Variants in MCFD2 observed in about 807,000 individuals in gnomAD.
The protein encoded by MCFD2 is multiple coagulation factor deficiency protein 2.
In MCFD2, 11 loss-of-function variants were observed where a neutral mutation model predicts 12.8. The observed-to-expected ratio is 0.86, with a 90% CI of 0.54 to 1.42. The LOEUF is 1.42. Among genes scored for constraint, MCFD2 ranks in the 40% most tolerant of loss-of-function variants. The pLI, the probability that MCFD2 is intolerant of heterozygous loss-of-function variation, is 0.00. For missense variants in MCFD2, 191 were observed against 178.6 expected (o/e 1.07, Z -0.40); for synonymous variants, 70 against 68.1 (o/e 1.03, Z -0.14).
intron 1 of MCFD2, among the ~76,000 whole-genome samples, chr2:46,939,646 G>A (rs747521203): frequency 3.3e-5 from 5 of 152,140 alleles, no homozygotes; most frequent in Admixed American, 6.5e-5. Flanking sequence ...TGCCAAGGTC[G>A]CCTCCCTCTT....
rs145556823 is a variant in MCFD2, at chr2:46,930,517, T to TTG, written c.-8+11054_-8+11055insCA. On this transcript the variant is annotated intron_variant, in intron 1 of 2. Transcript: ENST00000409147. ...CTATAATTTTTTTTTTTTTTTTTTT[T>TTG]AGACAAAGTCTCACTCTTGTACCCC... 5.8e-3 allele frequency among the ~76,000 whole-genome samples: 851 copies of TTG among 145,848 alleles called. 16 individuals carry two copies. Among genetic ancestry groups the TTG allele is most frequent in the African/African-American group, 0.02 (790 of 38,688 alleles).
Position 46,908,086 on chromosome 2 carries a change from C to A in MCFD2, c.150-117G>T. On this transcript the variant is annotated intron_variant, in intron 2 of 3. Transcript: ENST00000319466. This position sits in a 1 kb window ranked among gnomAD's most constrained non-coding sequence, Gnocchi z 4.5. The stretch of plus-strand genomic sequence containing the variant: ...TCCTCCAGCTCAGAAAAACAAACAC[C>A]AGCAGTGGCAGACCACACTCAAGGA... 1 of 1,078,258 alleles carries A rather than the reference C, an allele frequency of 9.3e-7. No individual in the cohort carries two copies. Among genetic ancestry groups the A allele is most frequent in the South Asian group, 1.3e-5 (1 of 75,256 alleles). 66.8% of individuals were successfully genotyped at this position (1,078,258 alleles called of 1,614,324 possible).
At position 46,907,748 on chromosome 2, in the gene MCFD2, G is replaced by A. The variant is rs535367804; in HGVS notation, c.309+62C>T. 1.2e-5 allele frequency: 18 copies of A among 1,558,812 alleles called. No individual in the cohort carries two copies. Among genetic ancestry groups the A allele is most frequent in the Admixed American group, 5.0e-5 (3 of 59,926 alleles). ...GACAACACAAGTCAACAAGACTGGG[G>A]ACCAAATTAACAAAGGGAAGCCTTT... On this transcript the variant is annotated intron_variant, in intron 3 of 3. Coordinates refer to ENST00000319466, the MANE Select transcript of MCFD2 (RefSeq NM_139279.6). The surrounding 1 kb of genome is among the most constrained non-coding windows in gnomAD (Gnocchi z 4.1).
chr2:46,941,617 T>G lies in MCFD2; in HGVS notation c.-53A>C, dbSNP rs1468054298. 12 of 1,555,836 alleles carry G rather than the reference T, an allele frequency of 7.7e-6. No homozygotes were observed. Among genetic ancestry groups the G allele is most frequent in the Non-Finnish European group, 1.0e-5 (12 of 1,150,316 alleles). Reference sequence around the variant, plus strand: ...GGAGCGCTGCCGCGCCGAGGGCCACTGGGACCGCATGCCGGAGCTGGTCCG... The same window carrying G: ...GGAGCGCTGCCGCGCCGAGGGCCACGGGGACCGCATGCCGGAGCTGGTCCG... On this transcript the variant is annotated 5_prime_UTR_variant, in exon 1 of 3. Coordinates refer to the MCFD2 transcript ENST00000409147. This position sits in a 1 kb window ranked among gnomAD's most constrained non-coding sequence, Gnocchi z 4.2.
chr2:46,928,846 G>C (rs1384198230), intron 1 of MCFD2, among the ~76,000 whole-genome samples: 1 of 152,190 alleles, frequency 6.6e-6, no homozygotes, highest in African/African-American at 2.4e-5. Context: ...GAGGGGTAGG[G>C]GGGGAAGCTT....
At chr2:46,911,652 T>G (rs1668490621) in intron 1 of MCFD2, among the ~76,000 whole-genome samples, 1 of 151,750 alleles carries the variant, frequency 6.6e-6, no homozygotes, top group African/African-American at 2.4e-5. Flanking sequence ...GCCGGCATGG[T>G]GGCTCGTGCC....
Position 46,902,406 on chromosome 2 carries a change from C to T in MCFD2, c.*3057G>A, listed in dbSNP as rs1668049704. On this transcript the variant is annotated 3_prime_UTR_variant, in exon 4 of 4. Coordinates refer to ENST00000319466, the MANE Select transcript of MCFD2 (RefSeq NM_139279.6). ...TTTACCCCTGCTGATAAAGTCCTGA[C>T]ATTCCTAATAGTTCCTAAACTGCAA... is the stretch of plus-strand genomic sequence containing the variant. 1 of 152,644 alleles carries T rather than the reference C, an allele frequency of 6.6e-6. No homozygotes were observed. Among genetic ancestry groups the T allele is most frequent in the South Asian group, 2.1e-4 (1 of 4,832 alleles). The allele number at this position is 152,644 out of a possible 1,614,324, so 9.5% of individuals were successfully genotyped here.
chr2:46,927,775 C>CTA (rs1167462972), intron 1 of MCFD2, among the ~76,000 whole-genome samples: 1 of 151,228 alleles, frequency 6.6e-6, no homozygotes, highest in East Asian at 1.9e-4. Flanking sequence ...ACCTAAAATA[C>CTA]TACAGCCAGC....
rs1668045956 is a variant in MCFD2, at chr2:46,902,303, A to C, written c.*3160T>G. 6.6e-6 allele frequency: 1 copy of C among 152,668 alleles called. No homozygotes were observed. The highest frequency in any genetic ancestry group is 1.5e-5 in the Non-Finnish European group (1 of 68,042). The allele number at this position is 152,668 out of a possible 1,614,324, so 9.5% of individuals were successfully genotyped here. ...GGTAACTTCAACAATATCCCTCTTG[A>C]CTAGAACTTCTATCTGATTAATCAT... On this transcript the variant is annotated 3_prime_UTR_variant, in exon 4 of 4. Transcript: ENST00000319466.
rs201752014 is a variant in MCFD2, at chr2:46,915,712, A to T, written c.-7+11T>A. 1.2e-4 allele frequency: 115 copies of T among 947,968 alleles called. 2 individuals carry two copies. In the East Asian group the frequency reaches 0.012, roughly 97 times the overall value. The allele number at this position is 947,968 out of a possible 1,614,324, so 58.7% of individuals were successfully genotyped here. On this transcript the variant is annotated intron_variant, in intron 1 of 3. Coordinates refer to ENST00000319466, the MANE Select transcript of MCFD2 (RefSeq NM_139279.6). Reference sequence around the variant, plus strand: ...TCCCGCCCGCTGCGGAGAGTGCGCTAGTTCACTCACCCTTACGGTCTCCGA... The same window carrying T: ...TCCCGCCCGCTGCGGAGAGTGCGCTTGTTCACTCACCCTTACGGTCTCCGA...
chr2:46,906,377 G>A (rs895183868), intron 3 of MCFD2, among the ~76,000 whole-genome samples: 3 of 151,676 alleles, frequency 2.0e-5, no homozygotes, highest in African/African-American at 4.8e-5. Flanking sequence ...TCCTAGCAGC[G>A]AATGTAATCC....
At chr2:46,916,226 G>C (rs1370145475), upstream of MCFD2, 3 of 930,214 alleles carry the variant, frequency 3.2e-6, no homozygotes, top group Middle Eastern at 1.1e-3. Context: ...AAGATAATAG[G>C]AATGCTAATT....
At chr2:46,920,072 A>C (rs1669020144), upstream of MCFD2, among the ~76,000 whole-genome samples, 1 of 152,204 alleles carries the variant, frequency 6.6e-6, no homozygotes, top group African/African-American at 2.4e-5. Flanking sequence ...TCTGCATTTG[A>C]TGACCTTGTT....
chr2:46,940,719 G>GT lies in MCFD2; in HGVS notation c.-8+852_-8+853insA, dbSNP rs1670256671. ...AAATACAAATGCTCCCAGCAGAGGG[G>GT]CGTCCAGAGAGTCGCGGGCCTGGGA... On this transcript the variant is annotated intron_variant, in intron 1 of 2. Transcript: ENST00000409147. This position sits in a 1 kb window ranked among gnomAD's most constrained non-coding sequence, Gnocchi z 4.7. Among the ~76,000 whole-genome samples, 1 of 152,238 alleles carries GT rather than the reference G, an allele frequency of 6.6e-6. No homozygotes were observed. The highest frequency in any genetic ancestry group is 1.5e-5 in the Non-Finnish European group (1 of 68,034).
chr2:46,908,709 T>A lies in MCFD2; in HGVS notation c.149+314A>T. On this transcript the variant is annotated intron_variant, in intron 2 of 3. Transcript: ENST00000319466. The surrounding 1 kb of genome is among the most constrained non-coding windows in gnomAD (Gnocchi z 4.5). Reference sequence around the variant, plus strand: ...ACCTTAGCTATTTTCTGGATTCTGCTACTATGACTGTGTATGTGTACCTGT... The same window carrying A: ...ACCTTAGCTATTTTCTGGATTCTGCAACTATGACTGTGTATGTGTACCTGT... 2.4e-6 allele frequency: 1 copy of A among 424,124 alleles called. No individual in the cohort carries two copies. Among genetic ancestry groups the A allele is most frequent in the Non-Finnish European group, 4.4e-6 (1 of 228,384 alleles). The allele number at this position is 424,124 out of a possible 1,614,324, so 26.3% of individuals were successfully genotyped here. A position where few individuals can be genotyped will look rare whatever the true frequency, so the allele number is the denominator to read the frequency against.
chr2:46,905,708 AAAAAAAAGGAAAAAC>A, intron 3 of MCFD2, 114 bp from the exon 4 acceptor site: 3 of 1,140,008 alleles, frequency 2.6e-6, no homozygotes, highest in Non-Finnish European at 3.8e-6. Context: ...AAAAAAAAAA[AAAAAAAAGGAAAAAC>A]AAAACAACAA....
chr2:46,918,358 C>G (rs1668923894), upstream of MCFD2, among the ~76,000 whole-genome samples: 1 of 152,166 alleles, frequency 6.6e-6, no homozygotes, highest in South Asian at 2.1e-4. Context: ...TTCTTTCCAC[C>G]TCCACTAAAC....
chr2:46,915,756 C>T lies in MCFD2; in HGVS notation c.-40G>A, dbSNP rs528217710. On this transcript the variant is annotated 5_prime_UTR_variant, in exon 1 of 4. Coordinates refer to ENST00000319466, the MANE Select transcript of MCFD2 (RefSeq NM_139279.6). ...TCTCCGAAGCAGACGCGAAGCCCTC[C>T]AACGTGAGCCTCACCAGCCCCCGTC... 1.9e-5 allele frequency: 19 copies of T among 979,920 alleles called. No individual in the cohort carries two copies. In the African/African-American group the frequency reaches 2.8e-4, roughly 14 times the overall value. 60.7% of individuals were successfully genotyped at this position (979,920 alleles called of 1,614,324 possible). A position where few individuals can be genotyped will look rare whatever the true frequency, so the allele number is the denominator to read the frequency against.
In MCFD2 at chr2:46,940,482, T is replaced by C. The variant is rs187021787; in HGVS notation, c.-8+1090A>G. On this transcript the variant is annotated intron_variant, in intron 1 of 2. Transcript: ENST00000409147. The surrounding 1 kb of genome is among the most constrained non-coding windows in gnomAD (Gnocchi z 4.7). Reference sequence around the variant, plus strand: ...GGCCCCGCCCCGTAGTCCTGTGAACTTCTGGGCACCCCACAGCCCTGGGCT... The same window carrying C: ...GGCCCCGCCCCGTAGTCCTGTGAACCTCTGGGCACCCCACAGCCCTGGGCT... 7.9e-5 allele frequency among the ~76,000 whole-genome samples: 12 copies of C among 152,298 alleles called. No homozygotes were observed. The East Asian group carries it at 2.3e-3, about 30-fold the overall frequency.
Sources: gnomAD v4.1 joint callset for allele counts (sites outside exome capture counted in the v4.1 genomes callset) on GRCh38, gnomAD v4.1.1 for gene constraint, Gnocchi (gnomAD v3.1) non-coding constraint, MANE v1.5 for transcripts, NCBI Gene and HGNC (gene_info 2026-07-23, HGNC 2026-07-21) for gene names.